COIL: variants seen among roughly 807,000 people sequenced by gnomAD.
COIL encodes coilin p80.
In COIL, 28 loss-of-function variants were observed where a neutral mutation model predicts 51.6. That is an observed-to-expected ratio of 0.54 (90% confidence interval 0.40 to 0.74). COIL has a LOEUF of 0.74. Ranked by LOEUF, COIL falls within the 30% of genes least tolerant of loss-of-function variation. The pLI is 0.00. For synonymous variants in COIL, 233 were observed against 255.8 expected (o/e 0.91, Z 0.85); for missense variants, 667 against 685.9 (o/e 0.97, Z 0.31).
intron 1 of COIL, 135 bp downstream of exon 1, chr17:56,960,640 C>T: frequency 2.2e-6 from 1 of 446,262 alleles, no homozygotes; most frequent in Admixed American, 4.5e-5. Context: ...ACAGCCCCAC[C>T]CCCCTCCAAC....
chr17:56,941,902 C>A, intron 6 of COIL, 133 bp downstream of exon 6: 1 of 691,806 alleles, frequency 1.4e-6, no homozygotes, highest in Non-Finnish European at 2.5e-6. Context: ...CCTGATTTGG[C>A]ACTGGTATTG....
At chr17:56,948,132 ATTTTT>A (rs11450212) in intron 4 of COIL, among the ~76,000 whole-genome samples, 2 of 123,814 alleles carry the variant, frequency 1.6e-5, no homozygotes, top group East Asian at 2.3e-4. Flanking sequence ...TTGAGGAAAG[ATTTTT>A]TTTTTTTTTT....
rs747083583 is a variant in COIL, at chr17:56,949,336, C to T, written c.1488+51G>A. 82 of 1,428,030 alleles carry T rather than the reference C, an allele frequency of 5.7e-5. No homozygotes were observed. In the East Asian group the frequency reaches 1.9e-3, roughly 33 times the overall value. 88.5% of individuals were successfully genotyped at this position (1,428,030 alleles called of 1,614,324 possible). On this transcript the variant is annotated intron_variant, in intron 4 of 6. Transcript: ENST00000240316. Reference sequence around the variant, plus strand: ...TCCATACAAGTAGTATTAAATATGACTTTAGTTTTAATAATACACTGACAA... The same window carrying T: ...TCCATACAAGTAGTATTAAATATGATTTTAGTTTTAATAATACACTGACAA...
rs930796752 is a variant in COIL, at chr17:56,938,747, A to G, written c.*324T>C. ...ACGCAGCACATTCTTGGTATTATAA[A>G]CTCCTACTGACGACTGCTACTTGAT... On this transcript the variant is annotated 3_prime_UTR_variant, in exon 7 of 7. Transcript: ENST00000240316. 2.2e-5 allele frequency: 4 copies of G among 181,556 alleles called. No individual in the cohort carries two copies. The highest frequency in any genetic ancestry group is 4.6e-5 in the Non-Finnish European group (4 of 87,908). The allele number at this position is 181,556 out of a possible 1,614,324, so 11.2% of individuals were successfully genotyped here.
intron 3 of COIL, 100 bp from the exon 4 acceptor site, chr17:56,949,534 A>ACCG: frequency 1.4e-6 from 2 of 1,418,874 alleles, no homozygotes; most frequent in Non-Finnish European, 2.0e-6. Context: ...CACCCCGACC[A>ACCG]GTCTGGGAGC....
At position 56,950,177 on chromosome 17, in the gene COIL, T is replaced by C. The variant is rs1209247371; in HGVS notation, c.1065A>G (p.Pro355=). ...GLFAGRGRPG[P]GLSSQTAGAA... is the part of the protein sequence containing the mutation. ...CACCTGCAGTCTGTGATGACAGCCC[T>C]GGGCCTGGACGACCTCTTCCTGCAA... Residue 355 remains proline, a synonymous_variant, in exon 2 of 7, where the codon CCA becomes CCG. Coordinates refer to ENST00000240316, the MANE Select transcript of COIL (RefSeq NM_004645.3). 3.1e-6 allele frequency: 5 copies of C among 1,614,180 alleles called. No individual in the cohort carries two copies. Among genetic ancestry groups the C allele is most frequent in the Non-Finnish European group, 8.5e-7 (1 of 1,180,038 alleles).
At chr17:56,941,471 G>A (rs1160477803) in intron 6 of COIL, among the ~76,000 whole-genome samples, 1 of 152,232 alleles carries the variant, frequency 6.6e-6, no homozygotes, top group Non-Finnish European at 1.5e-5. Context: ...TCCAGAGGCT[G>A]AGGCATGAGA....
chr17:56,957,674 T>C (rs1310680020), intron 1 of COIL, among the ~76,000 whole-genome samples: 1 of 152,006 alleles, frequency 6.6e-6, no homozygotes, highest in African/African-American at 2.4e-5. Flanking sequence ...AAAAACCAAA[T>C]CTGCCAACAC....
chr17:56,949,933 G>C lies in COIL; in HGVS notation c.1309C>G (p.Gln437Glu). ...VNRSTDNQRQ[Q>E]QLNDVVKNSS... is the part of the protein sequence containing the mutation. ...TTTTTTACCACGTCATTTAATTGCTGTTGCCTCTGGTTGTCAGTGCTTCTA... is the reference window on the plus strand; with the variant it reads ...TTTTTTACCACGTCATTTAATTGCTCTTGCCTCTGGTTGTCAGTGCTTCTA... Residue 437 changes from glutamine (Q) to glutamate (E), a missense_variant, in exon 2 of 7, where the codon CAG becomes GAG. Physicochemically the swap from Gln to Glu is conservative, Grantham distance 29. Coordinates refer to ENST00000240316, the MANE Select transcript of COIL (RefSeq NM_004645.3). 6.2e-7 allele frequency: 1 copy of C among 1,613,944 alleles called. No individual in the cohort carries two copies. The highest frequency in any genetic ancestry group is 1.7e-4 in the Middle Eastern group (1 of 6,048).
intron 6 of COIL, chr17:56,939,982 G>A (rs1377793791): frequency 1.3e-5 from 2 of 152,040 alleles, no homozygotes; most frequent in African/African-American, 4.8e-5. Context: ...GCGCCGCTCT[G>A]TAGTTCTTAT....
In COIL at chr17:56,950,188, G is replaced by A. The variant is rs769321037; in HGVS notation, c.1054C>T (p.Arg352Cys). The A allele has an allele frequency of 9.5e-5, 154 of 1,613,960 alleles. No individual in the cohort carries two copies. The highest frequency in any genetic ancestry group is 1.6e-4 in the Middle Eastern group (1 of 6,070). Reference protein sequence around the residue: ...KTVGLFAGRGRPGPGLSSQTA... With the variant: ...KTVGLFAGRGCPGPGLSSQTA... ...TGTGATGACAGCCCTGGGCCTGGAC[G>A]ACCTCTTCCTGCAAAAAGGCCTACT... The change falls in exon 2 of 7, where the codon CGT (arginine) becomes TGT (cysteine). Residue 352 changes from arginine to cysteine, a missense_variant. Physicochemically the swap from Arg to Cys is radical, Grantham distance 180. Coordinates refer to ENST00000240316, the MANE Select transcript of COIL (RefSeq NM_004645.3).
intron 6 of COIL, 43 bp from the exon 7 acceptor site, chr17:56,939,197 G>A (rs1230744097): frequency 1.9e-6 from 2 of 1,042,776 alleles, no homozygotes; most frequent in Non-Finnish European, 3.0e-6. Context: ...ACTTCATTTT[G>A]AGGTCATACC....
At position 56,950,276 on chromosome 17, in the gene COIL, CTCTGCACTA is replaced by C; in HGVS notation, c.957_965del (p.Ala321_Ser323del). On this transcript the variant is annotated inframe_deletion, in exon 2 of 7. Transcript: ENST00000240316. ...ATGACATCAAGCATTGGTCGTCTGA[CTCTGCACTA>C]GAGTCTGAACTGGAAGATGTTGTTC... The C allele has an allele frequency of 6.2e-7, 1 of 1,614,230 alleles. No homozygotes were observed. Among genetic ancestry groups the C allele is most frequent in the Non-Finnish European group, 8.5e-7 (1 of 1,180,036 alleles).
intron 1 of COIL, among the ~76,000 whole-genome samples, chr17:56,957,701 T>C (rs763974032): frequency 2.7e-4 from 41 of 152,128 alleles, no homozygotes; most frequent in South Asian, 4.1e-4. Flanking sequence ...CTTGGACTTG[T>C]AGTCTCCAGA....
At chr17:56,956,667 C>T (rs1183208775) in intron 1 of COIL, among the ~76,000 whole-genome samples, 1 of 152,050 alleles carries the variant, frequency 6.6e-6, no homozygotes, top group Non-Finnish European at 1.5e-5. Flanking sequence ...TCTCAACTCA[C>T]CGAAGCCTTT....
At position 56,946,476 on chromosome 17, in the gene COIL, C is replaced by G. The variant is rs764730459; in HGVS notation, c.1524G>C (p.Gln508His). The G allele has an allele frequency of 1.9e-6, 3 of 1,611,090 alleles. No individual in the cohort carries two copies. The highest frequency in any genetic ancestry group is 4.5e-5 in the East Asian group (2 of 44,850). Residue 508 changes from glutamine to histidine, a missense_variant, in exon 5 of 7, where the codon CAG (glutamine) becomes CAC (histidine). Gln to His is a conservative substitution (Grantham distance 24). Coordinates refer to ENST00000240316, the MANE Select transcript of COIL (RefSeq NM_004645.3). The part of the protein sequence containing the change: ...GRILSHNPET[Q>H]QVDIEILSSL... ...ATGAAAGAATTTCTATATCTACTTG[C>G]TGGGTCTCTGGATTGTGGCTTAATA...
chr17:56,955,580 T>A (rs144109469), intron 1 of COIL, among the ~76,000 whole-genome samples: 12 of 152,302 alleles, frequency 7.9e-5, no homozygotes, highest in East Asian at 1.9e-4. Context: ...TAATTTTTTT[T>A]AAAATCATTA....
chr17:56,951,274 G>A, intron 1 of COIL: 1 of 287,132 alleles, frequency 3.5e-6, no homozygotes, highest in East Asian at 6.4e-5. Context: ...CACAAAGTAG[G>A]TATTTTTAAT....
chr17:56,944,363 TG>T (rs1910203906), intron 5 of COIL, among the ~76,000 whole-genome samples: 1 of 151,770 alleles, frequency 6.6e-6, no homozygotes, highest in Non-Finnish European at 1.5e-5. Flanking sequence ...GAGGCTGAGG[TG>T]GGAGGATCAC....
Sources: allele counts gnomAD v4.1 joint callset (sites outside exome capture counted in the v4.1 genomes callset), GRCh38; gene constraint gnomAD v4.1.1; transcripts MANE v1.5; gene names NCBI Gene and HGNC (gene_info 2026-07-23, HGNC 2026-07-21).